Variants in CDK14 observed in about 807,000 individuals in gnomAD.
CDK14 encodes the protein cyclin dependent kinase 14, also known as cyclin-dependent kinase 14.
Under a neutral mutation model 60.7 loss-of-function variants are expected in CDK14, and 34 were observed. The observed-to-expected ratio is 0.56, with a 90% CI of 0.43 to 0.75. The LOEUF (loss-of-function observed/expected upper bound fraction) is 0.75, where lower values mean the gene tolerates loss of function less well. CDK14 is among the 30% of genes least tolerant of loss of function. CDK14 has a pLI of 0.00. For synonymous variants in CDK14, 197 were observed against 203.7 expected, an observed-to-expected ratio of 0.97 and a Z score of 0.28; for missense variants, 482 against 564.1, an observed-to-expected ratio of 0.85 and a Z score of 1.47.
intron 2 of CDK14, among the ~76,000 whole-genome samples, chr7:90,679,997 T>A (rs1184685796): frequency 6.6e-6 from 1 of 152,186 alleles, no homozygotes; most frequent in Non-Finnish European, 1.5e-5. Flanking sequence ...TAAAAATTAC[T>A]ATGTGTAATC....
intron 10 of CDK14, among the ~76,000 whole-genome samples, chr7:91,016,648 C>T (rs1307070549): frequency 1.3e-5 from 2 of 152,084 alleles, no homozygotes; most frequent in Admixed American, 6.5e-5. Context: ...TTGTAGGGTG[C>T]GTTTGAAATT....
chr7:90,621,667 TCCTGCCTTCCTG>T (rs1330725189), intron 2 of CDK14, among the ~76,000 whole-genome samples: 1 of 140,536 alleles, frequency 7.1e-6, no homozygotes, highest in African/African-American at 2.6e-5. Flanking sequence ...CTTCCTTCCT[TCCTGCCTTCCTG>T]CCTTCCTGCC....
At chr7:90,644,387 C>T (rs1800414768) in intron 2 of CDK14, among the ~76,000 whole-genome samples, 1 of 152,182 alleles carries the variant, frequency 6.6e-6, no homozygotes, top group Admixed American at 6.6e-5. Context: ...ATCTTTATCT[C>T]CGTTTTCCTG....
At chr7:91,135,950 C>T (rs1019246246) in intron 14 of CDK14, among the ~76,000 whole-genome samples, 29 of 152,078 alleles carry the variant, frequency 1.9e-4, no homozygotes, top group Non-Finnish European at 4.1e-4. Flanking sequence ...GTAAAACCAA[C>T]CTACACTTGT....
At chr7:91,010,270 A>G (rs909554787) in intron 10 of CDK14, among the ~76,000 whole-genome samples, 12 of 152,192 alleles carry the variant, frequency 7.9e-5, no homozygotes, top group African/African-American at 2.2e-4. Flanking sequence ...TGTGAATTTC[A>G]TAATCTGCTG....
chr7:90,967,795 A>G (rs1794798135), intron 9 of CDK14, among the ~76,000 whole-genome samples: 1 of 152,238 alleles, frequency 6.6e-6, no homozygotes, highest in Admixed American at 6.5e-5. Context: ...AGCATTTTCA[A>G]CAAGTGTTTA....
intron 10 of CDK14, among the ~76,000 whole-genome samples, chr7:91,031,645 A>G (rs1796762288): frequency 6.6e-6 from 1 of 152,222 alleles, no homozygotes; most frequent in African/African-American, 2.4e-5. Context: ...TGACGTAGTG[A>G]GTTCATGGGT....
chr7:90,836,995 A>G (rs1050374468), intron 5 of CDK14, among the ~76,000 whole-genome samples: 8 of 152,236 alleles, frequency 5.3e-5, no homozygotes, highest in Non-Finnish European at 1.2e-4. Context: ...CTTTTGAAAT[A>G]CAAGTTAAGC....
chr7:91,163,635 A>T (rs1801239861), intron 14 of CDK14, among the ~76,000 whole-genome samples: 1 of 152,138 alleles, frequency 6.6e-6, no homozygotes, highest in South Asian at 2.1e-4. Flanking sequence ...ATTTACTCTT[A>T]CTTTGAAATA....
intron 4 of CDK14, among the ~76,000 whole-genome samples, chr7:90,764,774 A>G (rs544732579): frequency 2.9e-4 from 44 of 152,206 alleles, no homozygotes; most frequent in Non-Finnish European, 1.9e-4. Context: ...TTGAATTTTT[A>G]AAAGATATCT....
At chr7:91,016,348 G>A (rs1796302502) in intron 10 of CDK14, among the ~76,000 whole-genome samples, 1 of 151,690 alleles carries the variant, frequency 6.6e-6, no homozygotes, top group Admixed American at 6.6e-5. Context: ...AGGAATCACA[G>A]ACTGAATTTT....
chr7:90,767,332 T>C (rs1804606598), intron 4 of CDK14, among the ~76,000 whole-genome samples: 1 of 152,228 alleles, frequency 6.6e-6, no homozygotes, highest in East Asian at 1.9e-4. Flanking sequence ...TAATTAACTG[T>C]AGGGTACATA....
chr7:90,886,956 T>C (rs1380441135), intron 6 of CDK14, among the ~76,000 whole-genome samples: 1 of 152,170 alleles, frequency 6.6e-6, no homozygotes, highest in Non-Finnish European at 1.5e-5. Flanking sequence ...TTGTTGGCTA[T>C]TTTTTCATTT....
intron 9 of CDK14, among the ~76,000 whole-genome samples, chr7:90,982,631 A>G (rs1279898244): frequency 6.6e-6 from 1 of 152,216 alleles, no homozygotes; most frequent in Non-Finnish European, 1.5e-5. Flanking sequence ...ATACTTGAAC[A>G]TGACTTGAGG....
intron 8 of CDK14, among the ~76,000 whole-genome samples, chr7:90,950,903 T>G (rs1794237876): frequency 6.6e-6 from 1 of 152,178 alleles, no homozygotes; most frequent in Non-Finnish European, 1.5e-5. Context: ...AAATATTTGT[T>G]TGTTGGTTGT....
At chr7:90,914,107 A>T (rs1562825866) in intron 7 of CDK14, among the ~76,000 whole-genome samples, 1 of 152,094 alleles carries the variant, frequency 6.6e-6, no homozygotes, top group East Asian at 1.9e-4. Context: ...AATTTATGTT[A>T]TACCTGCTTG....
intron 7 of CDK14, among the ~76,000 whole-genome samples, chr7:90,905,468 A>G (rs1465761443): frequency 6.6e-6 from 1 of 152,176 alleles, no homozygotes; most frequent in Non-Finnish European, 1.5e-5. Context: ...CTCAGCTGTA[A>G]ATAATATTTA....
At chr7:90,935,830 C>T (rs926097132) in intron 8 of CDK14, among the ~76,000 whole-genome samples, 2 of 152,120 alleles carry the variant, frequency 1.3e-5, no homozygotes, top group African/African-American at 4.8e-5. Flanking sequence ...GGGAAGATGG[C>T]TTGACTTCAG....
intron 14 of CDK14, among the ~76,000 whole-genome samples, chr7:91,122,243 TA>T (rs1799799718): frequency 6.6e-6 from 1 of 152,086 alleles, no homozygotes; most frequent in African/African-American, 2.4e-5. Flanking sequence ...TTTAGCCTCT[TA>T]TTTCTGCAAA....
Sources: gnomAD v4.1 joint callset for allele counts (sites outside exome capture counted in the v4.1 genomes callset) on GRCh38, gnomAD v4.1.1 for gene constraint, MANE v1.5 for transcripts, NCBI Gene and HGNC (gene_info 2026-07-23, HGNC 2026-07-21) for gene names.